CNOT8: variants seen among roughly 807,000 people sequenced by gnomAD.
CNOT8 encodes CCR4-NOT transcription complex subunit 8, also known as CAF1-like protein.
A neutral mutation model predicts 34.6 loss-of-function variants in CNOT8; 18 were observed. The ratio of observed to expected loss-of-function variants is 0.52; its 90% CI spans 0.36 to 0.77. The LOEUF is 0.77. Ranked by LOEUF, CNOT8 falls within the 30% of genes least tolerant of loss-of-function variation. The pLI is 0.00. For synonymous variants in CNOT8, 101 were observed against 118.8 expected, an observed-to-expected ratio of 0.85 and a Z score of 0.98; for missense variants, 189 against 347.9, an observed-to-expected ratio of 0.54 and a Z score of 3.63.
chr5:154,870,935 C>A, intron 4 of CNOT8, 113 bp downstream of exon 4: 1 of 892,150 alleles, frequency 1.1e-6, no homozygotes, highest in Non-Finnish European at 1.7e-6. Flanking sequence ...GCAGCAGCAG[C>A]CAGAAGTTGA....
At position 154,875,428 on chromosome 5, in the gene CNOT8, A is replaced by G. The variant is rs1762857858; in HGVS notation, c.868A>G (p.Met290Val). The part of the protein sequence containing the change: ...KMSILAIINN[M>V]QQ ...GAGCATCCTGGCGATTATCAACAAC[A>G]TGCAGCAGTGATGGCGCCAGGCTCT... Residue 290 changes from methionine (M) to valine (V), a missense_variant, in exon 7 of 7, where the codon ATG becomes GTG. Coordinates refer to ENST00000285896, the MANE Select transcript of CNOT8 (RefSeq NM_001301073.2). 6.2e-7 allele frequency: 1 copy of G among 1,613,718 alleles called. No individual in the cohort carries two copies. The highest frequency in any genetic ancestry group is 1.7e-5 in the Admixed American group (1 of 59,998).
chr5:154,861,273 A>G (rs189737000), intron 1 of CNOT8, among the ~76,000 whole-genome samples: 4 of 152,356 alleles, frequency 2.6e-5, no homozygotes, highest in Admixed American at 2.6e-4. Flanking sequence ...GTAATAGAAC[A>G]AAAACAAGAG....
intron 3 of CNOT8, among the ~76,000 whole-genome samples, chr5:154,867,370 A>AT (rs1376618602): frequency 6.6e-6 from 1 of 152,116 alleles, no homozygotes; most frequent in African/African-American, 2.4e-5. Context: ...ACGACCATTA[A>AT]TTTTTTCAGT....
chr5:154,868,540 A>C (rs1180324349), intron 3 of CNOT8, among the ~76,000 whole-genome samples: 1 of 148,590 alleles, frequency 6.7e-6, no homozygotes, highest in Non-Finnish European at 1.5e-5. Flanking sequence ...CTGGGATTAC[A>C]TACAGTTGTG....
chr5:154,864,182 C>T (rs1232805684), intron 2 of CNOT8, among the ~76,000 whole-genome samples: 1 of 152,140 alleles, frequency 6.6e-6, no homozygotes. Flanking sequence ...TAGAGTTGGC[C>T]GGGCGCGGTG....
intron 3 of CNOT8, among the ~76,000 whole-genome samples, chr5:154,869,871 C>T (rs1425902061): frequency 6.6e-6 from 1 of 152,124 alleles, no homozygotes. Context: ...GATCCGCCCA[C>T]CTTGGCCTCC....
Position 154,875,897 on chromosome 5 carries a change from C to CT in CNOT8, c.*460dup, listed in dbSNP as rs1762894900. 1 of 159,652 alleles carries CT rather than the reference C, an allele frequency of 6.3e-6. No individual in the cohort carries two copies. Among genetic ancestry groups the CT allele is most frequent in the Non-Finnish European group, 1.4e-5 (1 of 72,354 alleles). 9.9% of individuals were successfully genotyped at this position (159,652 alleles called of 1,614,324 possible). On this transcript the variant is annotated 3_prime_UTR_variant, in exon 7 of 7. Transcript: ENST00000285896. The stretch of plus-strand genomic sequence containing the variant: ...AGGGAAAATGGAACAAAATGGTGTT[C>CT]TTAGGTAATGGGTTGTAGATACTGA...
At chr5:154,864,370 A>G (rs1761658737) in intron 2 of CNOT8, among the ~76,000 whole-genome samples, 1 of 151,970 alleles carries the variant, frequency 6.6e-6, no homozygotes, top group Non-Finnish European at 1.5e-5. Flanking sequence ...TGAGGCAGAG[A>G]ATGCGTGAAC....
At chr5:154,867,702 GA>G in intron 3 of CNOT8, 1 of 279,776 alleles carries the variant, frequency 3.6e-6, no homozygotes, top group Non-Finnish European at 7.1e-6. Flanking sequence ...ATATAAGAAA[GA>G]AAAAGTCAAC....
intron 3 of CNOT8, among the ~76,000 whole-genome samples, chr5:154,869,251 C>T (rs1389381485): frequency 6.6e-6 from 1 of 151,994 alleles, no homozygotes; most frequent in Admixed American, 6.6e-5. Context: ...TCCTGAGTAG[C>T]TGGGATTACA....
chr5:154,869,431 T>TG (rs1762245275), intron 3 of CNOT8, among the ~76,000 whole-genome samples: 1 of 150,616 alleles, frequency 6.6e-6, no homozygotes. Flanking sequence ...GTTGGTTTTT[T>TG]TTTTTTTTTT....
intron 4 of CNOT8, 35 bp downstream of exon 4, chr5:154,870,857 T>A (rs1178185693): frequency 6.4e-7 from 1 of 1,564,218 alleles, no homozygotes; most frequent in Non-Finnish European, 8.7e-7. Context: ...CTCTCTCACT[T>A]TGGGCTACAC....
Position 154,871,686 on chromosome 5 carries a change from G to A in CNOT8, c.474-44G>A, listed in dbSNP as rs759834190. The A allele has an allele frequency of 1.2e-5, 19 of 1,598,260 alleles. No individual in the cohort carries two copies. In the South Asian group the frequency reaches 2.0e-4, roughly 17 times the overall value. On this transcript the variant is annotated intron_variant, in intron 4 of 6. Coordinates refer to ENST00000285896, the MANE Select transcript of CNOT8 (RefSeq NM_001301073.2). ...ATAAAATGGTTGAACACTGGGGCCT[G>A]ATAACCACTGCTTTTTTAACCTCTG...
In CNOT8 at chr5:154,875,766, T is replaced by G. The variant is rs1004297778; in HGVS notation, c.*327T>G. 1 of 212,404 alleles carries G rather than the reference T, an allele frequency of 4.7e-6. No individual in the cohort carries two copies. The allele number at this position is 212,404 out of a possible 1,614,324, so 13.2% of individuals were successfully genotyped here. On this transcript the variant is annotated 3_prime_UTR_variant, in exon 7 of 7. Coordinates refer to ENST00000285896, the MANE Select transcript of CNOT8 (RefSeq NM_001301073.2). ...ACAAGTCTGAAACAAAGTAGTAAAA[T>G]GTATATAACTCTTACCTGTTGTCAT... is the stretch of plus-strand genomic sequence containing the variant.
At chr5:154,867,392 CAG>C (rs1313330679) in intron 3 of CNOT8, among the ~76,000 whole-genome samples, 1 of 151,998 alleles carries the variant, frequency 6.6e-6, no homozygotes, top group African/African-American at 2.4e-5. Flanking sequence ...TTTTTCATGA[CAG>C]AGTCTTTTAG....
At chr5:154,861,456 A>G (rs1761327974) in intron 1 of CNOT8, among the ~76,000 whole-genome samples, 1 of 152,256 alleles carries the variant, frequency 6.6e-6, no homozygotes, top group Non-Finnish European at 1.5e-5. Context: ...TTGATTTCTC[A>G]GAAGTTTCTT....
intron 3 of CNOT8, 61 bp from the exon 4 acceptor site, chr5:154,870,600 G>T: frequency 7.6e-7 from 1 of 1,317,078 alleles, no homozygotes; most frequent in South Asian, 1.3e-5. Flanking sequence ...GGTGGTAATA[G>T]TGTGGCCACT....
At chr5:154,872,466 A>G (rs555665377) in intron 5 of CNOT8, 75 bp from the exon 6 acceptor site, 3 of 850,024 alleles carry the variant, frequency 3.5e-6, no homozygotes, top group South Asian at 1.7e-5. Context: ...CAGTGAACTC[A>G]TAACTGCACT....
At position 154,871,748 on chromosome 5, in the gene CNOT8, T is replaced by C. The variant is rs748694441; in HGVS notation, c.492T>C (p.Tyr164=). Reference sequence around the variant, plus strand: ...CTTGTAGTGGCTATGATTTTGGCTATATGGTAAAGTTGCTTACAGATTCTC... The same window carrying C: ...CTTGTAGTGGCTATGATTTTGGCTACATGGTAAAGTTGCTTACAGATTCTC... ...LSFHSGYDFG[Y]MVKLLTDSRL... The change falls in exon 5 of 7, where the codon TAT becomes TAC. Residue 164 remains tyrosine, a synonymous_variant. Coordinates refer to ENST00000285896, the MANE Select transcript of CNOT8 (RefSeq NM_001301073.2). 4.3e-6 allele frequency: 7 copies of C among 1,614,052 alleles called. No homozygotes were observed. The highest frequency in any genetic ancestry group is 5.9e-6 in the Non-Finnish European group (7 of 1,179,958).
Sources: allele counts gnomAD v4.1 joint callset (sites outside exome capture counted in the v4.1 genomes callset), GRCh38; gene constraint gnomAD v4.1.1; transcripts MANE v1.5; gene names NCBI Gene and HGNC (gene_info 2026-07-23, HGNC 2026-07-21).